PPM1H: variants seen among roughly 807,000 people sequenced by gnomAD.
The protein encoded by PPM1H is protein phosphatase, Mg2+/Mn2+ dependent 1H.
Under a neutral mutation model 54.9 loss-of-function variants are expected in PPM1H, and 27 were observed. That is an observed-to-expected ratio of 0.49 (90% CI 0.36 to 0.68). The LOEUF (loss-of-function observed/expected upper bound fraction) is 0.68, where lower values mean the gene tolerates loss of function less well. PPM1H is among the 30% of genes least tolerant of loss of function. The pLI, the probability that PPM1H is intolerant of heterozygous loss-of-function variation, is 0.00. For synonymous variants in PPM1H, 305 were observed against 270.8 expected (o/e 1.13, Z -1.24); for missense variants, 596 against 667.8 (o/e 0.89, Z 1.19).
At chr12:62,809,607 A>G (rs1032329544) in intron 2 of PPM1H, among the ~76,000 whole-genome samples, 1 of 152,208 alleles carries the variant, frequency 6.6e-6, no homozygotes, top group Non-Finnish European at 1.5e-5. Flanking sequence ...GGGAATCACA[A>G]GTGGTATGAA....
chr12:62,792,725 C>T (rs2076707493), intron 3 of PPM1H, among the ~76,000 whole-genome samples: 1 of 152,224 alleles, frequency 6.6e-6, no homozygotes, highest in Non-Finnish European at 1.5e-5. Flanking sequence ...CCTCCCCCTC[C>T]TCCCTAGAAG....
intron 1 of PPM1H, among the ~76,000 whole-genome samples, chr12:62,920,513 G>A (rs1340233604): frequency 1.4e-5 from 2 of 146,208 alleles, no homozygotes; most frequent in Non-Finnish European, 3.0e-5. Flanking sequence ...GTGGAGACTG[G>A]GTCTTGCTAT....
At chr12:62,669,738 C>A (rs923135424) in intron 8 of PPM1H, among the ~76,000 whole-genome samples, 1 of 152,008 alleles carries the variant, frequency 6.6e-6, no homozygotes, top group Non-Finnish European at 1.5e-5. Context: ...TCGTGACCAG[C>A]CTGGGCAACA....
At position 62,801,975 on chromosome 12, in the gene PPM1H, C is replaced by T. The variant is rs746784225; in HGVS notation, c.597G>A (p.Thr199=). The change falls in exon 3 of 10, where the codon ACG becomes ACA. Residue 199 remains threonine, a synonymous_variant. Coordinates refer to ENST00000228705, the MANE Select transcript of PPM1H (RefSeq NM_020700.2). ...PTCLGEEPEN[T]PANSRTLTRA... is the part of the protein sequence containing the mutation. Reference sequence around the variant, plus strand: ...GGGTCAGAGTCCGGCTGTTGGCGGGCGTGTTCTCAGGCTCCTCCCCCAGGC... The same window carrying T: ...GGGTCAGAGTCCGGCTGTTGGCGGGTGTGTTCTCAGGCTCCTCCCCCAGGC... 2.5e-5 allele frequency: 40 copies of T among 1,612,708 alleles called. No individual in the cohort carries two copies. Among genetic ancestry groups the T allele is most frequent in the Non-Finnish European group, 3.3e-5 (39 of 1,179,278 alleles).
At chr12:62,858,684 C>T (rs554169885) in intron 1 of PPM1H, among the ~76,000 whole-genome samples, 1 of 152,272 alleles carries the variant, frequency 6.6e-6, no homozygotes, top group East Asian at 1.9e-4. Flanking sequence ...ACTCAGTTGA[C>T]AGGAAAACTG....
At position 62,667,187 on chromosome 12, in the gene PPM1H, T is replaced by C. The variant is rs1203458734; in HGVS notation, c.1388A>G (p.Asp463Gly). Residue 463 changes from aspartate to glycine, a missense_variant, in exon 9 of 10, where the codon GAT becomes GGT. Physicochemically the swap from Asp to Gly is moderately conservative, Grantham distance 94 (BLOSUM62 -1). Transcript: ENST00000228705. ...TQFLPNCDPD[D>G]PHRYTLAAQD... Reference sequence around the variant, plus strand: ...GTAGAAATGCACAAACCTGTGAGGATCATCTGGATCACAGTTAGGAAGAAA... The same window carrying C: ...GTAGAAATGCACAAACCTGTGAGGACCATCTGGATCACAGTTAGGAAGAAA... The C allele has an allele frequency of 1.3e-6, 2 of 1,594,122 alleles. No homozygotes were observed. The highest frequency in any genetic ancestry group is 4.5e-5 in the East Asian group (2 of 44,802).
chr12:62,888,751 G>A (rs985819426), intron 1 of PPM1H, among the ~76,000 whole-genome samples: 1 of 152,110 alleles, frequency 6.6e-6, no homozygotes, highest in East Asian at 1.9e-4. Context: ...GGAATATAAG[G>A]TAAAACAAGG....
At chr12:62,660,088 C>T (rs1221474446) in intron 9 of PPM1H, among the ~76,000 whole-genome samples, 1 of 152,170 alleles carries the variant, frequency 6.6e-6, no homozygotes, top group Non-Finnish European at 1.5e-5. Context: ...TATGACTTGG[C>T]AACTTCTACT....
At position 62,689,680 on chromosome 12, in the gene PPM1H, C is replaced by A. The variant is rs746986869; in HGVS notation, c.1245+19G>T. ...AATGTTTTATTGCACAAAATATAAA[C>A]AAAAACCTCATGCGGTACCTCTGGA... On this transcript the variant is annotated intron_variant, in intron 8 of 9. Transcript: ENST00000228705. The A allele has an allele frequency of 3.1e-6, 5 of 1,595,904 alleles. No homozygotes were observed. In the East Asian group the frequency reaches 9.0e-5, roughly 29 times the overall value.
intron 1 of PPM1H, among the ~76,000 whole-genome samples, chr12:62,866,021 A>G (rs1807680693): frequency 6.6e-6 from 1 of 152,200 alleles, no homozygotes; most frequent in Admixed American, 6.5e-5. Context: ...ATGCATTTAT[A>G]CAAGCCAACG....
intron 1 of PPM1H, among the ~76,000 whole-genome samples, chr12:62,852,959 TAAACATCACAAGG>T (rs1869250734): frequency 6.6e-6 from 1 of 152,248 alleles, no homozygotes; most frequent in Non-Finnish European, 1.5e-5. Flanking sequence ...AGAATTGGGC[TAAACATCACAAGG>T]AAACAACTAG....
Position 62,687,491 on chromosome 12 carries a change from T to A in PPM1H, c.1245+2208A>T, listed in dbSNP as rs960348123. ...TGTTGCCCATGCTGGTCTCAAGCAA[T>A]CCTCCTGCCTTAGCCGCCCAAAGTG... On this transcript the variant is annotated intron_variant, in intron 8 of 9. Transcript: ENST00000228705. Among the ~76,000 whole-genome samples the A allele has an allele frequency of 4.6e-5, 7 of 151,970 alleles. No homozygotes were observed. The East Asian group carries it at 1.4e-3, about 29-fold the overall frequency.
chr12:62,749,191 G>A (rs957948599), intron 4 of PPM1H, among the ~76,000 whole-genome samples: 2 of 152,188 alleles, frequency 1.3e-5, no homozygotes, highest in East Asian at 1.9e-4. Context: ...CCCTTGGAAC[G>A]CAGAGCTACA....
chr12:62,867,828 G>A (rs1231074833), intron 1 of PPM1H, among the ~76,000 whole-genome samples: 1 of 151,736 alleles, frequency 6.6e-6, no homozygotes, highest in East Asian at 1.9e-4. Flanking sequence ...CATTTATCCA[G>A]CAAAGAAAGC....
intron 4 of PPM1H, among the ~76,000 whole-genome samples, chr12:62,785,683 C>G (rs909162064): frequency 2.6e-5 from 4 of 152,034 alleles, no homozygotes; most frequent in Non-Finnish European, 5.9e-5. Flanking sequence ...GAAGTCTGGT[C>G]TGGAAATTGG....
Position 62,801,801 on chromosome 12 carries a change from C to A in PPM1H, c.756+15G>T. The A allele has an allele frequency of 6.2e-7, 1 of 1,613,088 alleles. No homozygotes were observed. Among genetic ancestry groups the A allele is most frequent in the Non-Finnish European group, 8.5e-7 (1 of 1,179,250 alleles). On this transcript the variant is annotated intron_variant, in intron 3 of 9. Coordinates refer to ENST00000228705, the MANE Select transcript of PPM1H (RefSeq NM_020700.2). ...CAGCCTGGCCCTGCTGCCCCAGACT[C>A]CCAGGAATACCTACCATTTCCTTGA...
chr12:62,725,834 TA>T (rs139181763), intron 5 of PPM1H, among the ~76,000 whole-genome samples: 6 of 151,154 alleles, frequency 4.0e-5, no homozygotes, highest in Non-Finnish European at 5.9e-5. Context: ...TCAGATATGT[TA>T]AAAAAAAACA....
At chr12:62,692,210 G>A (rs946030728) in intron 7 of PPM1H, among the ~76,000 whole-genome samples, 1 of 152,184 alleles carries the variant, frequency 6.6e-6, no homozygotes, top group African/African-American at 2.4e-5. Context: ...TCAGAAAGGG[G>A]TGGTATCTAC....
At chr12:62,851,154 C>A (rs1869172054) in intron 1 of PPM1H, among the ~76,000 whole-genome samples, 1 of 152,194 alleles carries the variant, frequency 6.6e-6, no homozygotes, top group East Asian at 1.9e-4. Flanking sequence ...CTGAAAGAAA[C>A]CAGCGTTTCT....
Sources: gnomAD v4.1 joint callset for allele counts (sites outside exome capture counted in the v4.1 genomes callset) on GRCh38, gnomAD v4.1.1 for gene constraint, MANE v1.5 for transcripts, NCBI Gene and HGNC (gene_info 2026-07-23, HGNC 2026-07-21) for gene names.